The following GTF2A1L variants were observed in gnomAD, a reference collection of about 807,000 sequenced individuals.
The protein encoded by GTF2A1L is general transcription factor IIA subunit 1 like.
GTF2A1L carries 48 observed loss-of-function variants against 49.7 expected under a neutral mutation model. That is an observed-to-expected ratio of 0.97 (90% CI 0.77 to 1.23). GTF2A1L has a LOEUF of 1.23. Among genes scored for constraint, GTF2A1L ranks in the 50% most tolerant of loss-of-function variants. GTF2A1L has a pLI of 0.00. For missense variants in GTF2A1L, 736 were observed against 564.8 expected, an observed-to-expected ratio of 1.30 and a Z score of -3.07; for synonymous variants, 246 against 193.5, an observed-to-expected ratio of 1.27 and a Z score of -2.25.
intron 3 of GTF2A1L, among the ~76,000 whole-genome samples, chr2:48,636,987 C>A (rs1676930060): frequency 6.6e-6 from 1 of 152,092 alleles, no homozygotes; most frequent in African/African-American, 2.4e-5. Context: ...TTTGTGGTTG[C>A]TTTCATATTT....
intron 8 of GTF2A1L, among the ~76,000 whole-genome samples, chr2:48,677,429 A>C (rs1484934348): frequency 6.6e-6 from 1 of 151,978 alleles, no homozygotes; most frequent in Admixed American, 6.6e-5. Flanking sequence ...TTTTGAACAG[A>C]AAGAACAAGA....
Position 48,621,238 on chromosome 2 carries a change from GT to G in GTF2A1L, c.198del (p.Phe66LeufsTer20). 6.2e-7 allele frequency: 1 copy of G among 1,613,976 alleles called. No homozygotes were observed. Among genetic ancestry groups the G allele is most frequent in the Non-Finnish European group, 8.5e-7 (1 of 1,180,004 alleles). On this transcript the variant is annotated frameshift_variant, in exon 3 of 9. Transcript: ENST00000403751. LOFTEE classifies it high-confidence loss of function. ...FFRNSIQSPL[F>X]TLQLPHSLHQ... is the part of the protein sequence containing the mutation. ...TCAGAAATAGCATCCAATCACCTCT[GT>G]TTACTCTTCAGTTGCCGCACAGCTT...
At chr2:48,642,498 C>T (rs1263893464) in intron 4 of GTF2A1L, 41 bp downstream of exon 4, 3 of 1,518,006 alleles carry the variant, frequency 2.0e-6, no homozygotes, top group Non-Finnish European at 2.7e-6. Context: ...AGACATGTCC[C>T]ACTGTTAGCG....
chr2:48,623,831 G>A (rs1198523514), intron 3 of GTF2A1L, among the ~76,000 whole-genome samples: 1 of 152,158 alleles, frequency 6.6e-6, no homozygotes, highest in Admixed American at 6.5e-5. Flanking sequence ...TATATTGCAT[G>A]TTCTCACTTA....
At chr2:48,640,895 T>C (rs1217764663) in intron 3 of GTF2A1L, among the ~76,000 whole-genome samples, 3 of 145,960 alleles carry the variant, frequency 2.1e-5, no homozygotes, top group Non-Finnish European at 4.6e-5. Context: ...TGTTCAAGTA[T>C]ATAACTTGTT....
rs547784723 is a variant in GTF2A1L at position 48,654,445 on chromosome 2, C to T, written c.978+7403C>T. Among the ~76,000 whole-genome samples the T allele has an allele frequency of 1.4e-4, 22 of 152,158 alleles. 2 individuals are homozygous for T. Among genetic ancestry groups the T allele is most frequent in the African/African-American group, 5.3e-4 (22 of 41,524 alleles). ...ACAGAGTCTCGCTCTGTCGCCCAGG[C>T]TGGAGTACAGTGGTATGATCTCAGC... On this transcript the variant is annotated intron_variant, in intron 6 of 8. Transcript: ENST00000403751.
rs70946820 is a variant in GTF2A1L, at chr2:48,661,247, C to CTTTTTTTTTT, written c.979-8456_979-8447dup. Among the ~76,000 whole-genome samples, 3 of 62,744 alleles carry CTTTTTTTTTT rather than the reference C, an allele frequency of 4.8e-5. 1 individual carries two copies. The highest frequency in any genetic ancestry group is 2.3e-4 in the African/African-American group (3 of 12,904). 41.2% of individuals were successfully genotyped at this position (62,744 alleles called of 152,430 possible). ...CCATTGTTTTCACTGCATCCCCAAA[C>CTTTTTTTTTT]TTTTTTTTTTTTTTTTTTTTTTTTT... On this transcript the variant is annotated intron_variant, in intron 6 of 8. Transcript: ENST00000403751.
intron 6 of GTF2A1L, among the ~76,000 whole-genome samples, chr2:48,656,348 GTTTTTT>G (rs367837291): frequency 2.6e-5 from 3 of 114,560 alleles, no homozygotes; most frequent in Non-Finnish European, 3.5e-5. Flanking sequence ...CTTATTTTCT[GTTTTTT>G]TTTTTTTTTT....
intron 3 of GTF2A1L, chr2:48,632,179 T>G (rs1375142655): frequency 6.6e-6 from 1 of 152,196 alleles, no homozygotes; most frequent in Non-Finnish European, 1.5e-5. Context: ...AACTTGATTC[T>G]TTTTTATATT....
intron 6 of GTF2A1L, among the ~76,000 whole-genome samples, chr2:48,668,837 AAAATAAATAAATAAAT>A (rs10529379): frequency 1.3e-5 from 2 of 150,342 alleles, no homozygotes; most frequent in Admixed American, 6.6e-5. Flanking sequence ...CCCGCCTCAA[AAAATAAATAAATAAAT>A]AAATAAATAA....
At chr2:48,620,603 C>A (rs1409290357) in intron 1 of GTF2A1L, among the ~76,000 whole-genome samples, 2 of 152,148 alleles carry the variant, frequency 1.3e-5, no homozygotes, top group Non-Finnish European at 2.9e-5. Flanking sequence ...CATGGTGAAA[C>A]CCTGTCTCTC....
At chr2:48,679,286 T>A (rs1458251314) in intron 8 of GTF2A1L, 49 bp from the exon 9 acceptor site, 16 of 1,587,918 alleles carry the variant, frequency 1.0e-5, no homozygotes, top group Non-Finnish European at 1.3e-5. Context: ...ATGCAGGTGA[T>A]CCTTTAACTT....
intron 7 of GTF2A1L, among the ~76,000 whole-genome samples, chr2:48,671,261 G>T (rs35540486): frequency 6.6e-6 from 1 of 152,012 alleles, no homozygotes; most frequent in East Asian, 1.9e-4. Context: ...TGAGTGCAGT[G>T]GTGTGATCAC....
At chr2:48,671,127 A>G (rs1679142355) in intron 7 of GTF2A1L, among the ~76,000 whole-genome samples, 1 of 151,872 alleles carries the variant, frequency 6.6e-6, no homozygotes, top group African/African-American at 2.4e-5. Context: ...CGGCTCAAAC[A>G]GGGATTTAAA....
intron 6 of GTF2A1L, among the ~76,000 whole-genome samples, chr2:48,655,070 C>G (rs1678094737): frequency 6.6e-6 from 1 of 151,798 alleles, no homozygotes; most frequent in African/African-American, 2.4e-5. Flanking sequence ...TGTGTTGAAT[C>G]TATAGATCAG....
At chr2:48,633,852 C>A (rs530642835) in intron 3 of GTF2A1L, among the ~76,000 whole-genome samples, 7 of 152,068 alleles carry the variant, frequency 4.6e-5, no homozygotes, top group African/African-American at 1.7e-4. Flanking sequence ...ATAGTTAAGA[C>A]TTCTTGTGGA....
chr2:48,622,828 C>T, intron 3 of GTF2A1L, among the ~76,000 whole-genome samples: 1 of 133,776 alleles, frequency 7.5e-6, no homozygotes, highest in Non-Finnish European at 1.6e-5. Flanking sequence ...AGTGAGACTC[C>T]ATCTTAAAAA....
intron 8 of GTF2A1L, among the ~76,000 whole-genome samples, chr2:48,677,781 A>G (rs138878975): frequency 7.2e-5 from 11 of 152,122 alleles, no homozygotes; most frequent in African/African-American, 2.6e-4. Context: ...TTTTTGGAAT[A>G]TGAATATGTT....
chr2:48,656,117 A>G (rs191057427), intron 6 of GTF2A1L, among the ~76,000 whole-genome samples: 2 of 152,144 alleles, frequency 1.3e-5, no homozygotes, highest in South Asian at 2.1e-4. Flanking sequence ...GCTTTTGGCT[A>G]TTGTGAATAA....
Sources: gnomAD v4.1 joint callset for allele counts (sites outside exome capture counted in the v4.1 genomes callset) on GRCh38, gnomAD v4.1.1 for gene constraint, MANE v1.5 for transcripts, NCBI Gene and HGNC (gene_info 2026-07-23, HGNC 2026-07-21) for gene names.